Variants in USP38 observed in about 807,000 individuals in gnomAD.
USP38 encodes ubiquitin carboxyl-terminal hydrolase 38.
A neutral mutation model predicts 94.3 loss-of-function variants in USP38; 49 were observed. The ratio of observed to expected loss-of-function variants is 0.52; its 90% CI spans 0.41 to 0.66. The LOEUF (loss-of-function observed/expected upper bound fraction) is 0.66. Ranked by LOEUF, USP38 falls within the 30% of genes least tolerant of loss-of-function variation. USP38 has a pLI of 0.00. For synonymous variants in USP38, 468 were observed against 463.6 expected, an observed-to-expected ratio of 1.01 and a Z score of -0.12; for missense variants, 1,128 against 1,229.4, an observed-to-expected ratio of 0.92 and a Z score of 1.23.
chr4:143,220,189 A>G, intron 9 of USP38, 106 bp from the exon 10 acceptor site: 1 of 1,203,076 alleles, frequency 8.3e-7, no homozygotes, highest in Non-Finnish European at 1.1e-6. Flanking sequence ...TTGAGATTTG[A>G]AGAATGTTTA....
intron 7 of USP38, among the ~76,000 whole-genome samples, chr4:143,211,266 G>C (rs762269184): frequency 1.2e-4 from 18 of 152,140 alleles, no homozygotes; most frequent in Non-Finnish European, 2.4e-4. Flanking sequence ...ATTTTAGGCA[G>C]ATAGATTTTC....
At chr4:143,200,003 G>A (rs1414418732) in intron 4 of USP38, among the ~76,000 whole-genome samples, 1 of 152,062 alleles carries the variant, frequency 6.6e-6, no homozygotes, top group Non-Finnish European at 1.5e-5. Flanking sequence ...GTCAATTTTT[G>A]CTTTTGTAGC....
At chr4:143,198,423 A>G (rs1051343317) in intron 4 of USP38, among the ~76,000 whole-genome samples, 1 of 152,218 alleles carries the variant, frequency 6.6e-6, no homozygotes, top group African/African-American at 2.4e-5. Context: ...GTTACTGCAG[A>G]TGAGAAATGA....
At chr4:143,219,696 A>T (rs1732274195) in intron 9 of USP38, among the ~76,000 whole-genome samples, 1 of 152,122 alleles carries the variant, frequency 6.6e-6, no homozygotes, top group South Asian at 2.1e-4. Context: ...TTGCCAAATG[A>T]ATTTGCCATT....
chr4:143,203,350 A>G, intron 4 of USP38, 58 bp from the exon 5 acceptor site: 1 of 1,522,016 alleles, frequency 6.6e-7, no homozygotes, highest in South Asian at 1.2e-5. Flanking sequence ...TTTGTAGGCT[A>G]GAGAATGTGT....
At chr4:143,200,932 A>T (rs1160336536) in intron 4 of USP38, among the ~76,000 whole-genome samples, 1 of 152,162 alleles carries the variant, frequency 6.6e-6, no homozygotes, top group Non-Finnish European at 1.5e-5. Context: ...AATCAATATC[A>T]TTAAAATGGC....
chr4:143,206,019 T>G lies in USP38; in HGVS notation c.1210-14T>G, dbSNP rs1182761962. Reference sequence around the variant, plus strand: ...CTTTACTTTTAAACTGTTTTTCTTCTTTATGACCTATAGGATTTTCCTAAG... The same window carrying G: ...CTTTACTTTTAAACTGTTTTTCTTCGTTATGACCTATAGGATTTTCCTAAG... On this transcript the variant is annotated splice_polypyrimidine_tract_variant and intron_variant, in intron 5 of 9. Transcript: ENST00000307017. 3 of 1,510,804 alleles carry G rather than the reference T, an allele frequency of 2.0e-6. No individual in the cohort carries two copies. The South Asian group carries it at 4.2e-5, about 21-fold the overall frequency. The allele number at this position is 1,510,804 out of a possible 1,614,324, so 93.6% of individuals were successfully genotyped here.
rs192562107 is a variant in USP38, at chr4:143,223,546, C to T, written c.*3090C>T. 6.6e-6 allele frequency: 1 copy of T among 152,234 alleles called. No homozygotes were observed. 9.4% of individuals were successfully genotyped at this position (152,234 alleles called of 1,614,324 possible). ...AAAGTAGTTGTCTTCTTTTCACATA[C>T]ACCTCTTTAAAGCTATCATCTTATA... On this transcript the variant is annotated 3_prime_UTR_variant, in exon 10 of 10. Transcript: ENST00000307017.
intron 7 of USP38, among the ~76,000 whole-genome samples, chr4:143,210,089 A>G (rs755736180): frequency 1.1e-4 from 17 of 152,208 alleles, no homozygotes; most frequent in South Asian, 4.2e-4. Flanking sequence ...TCTTATGTAT[A>G]CCTATTCATT....
intron 7 of USP38, among the ~76,000 whole-genome samples, chr4:143,211,808 T>C (rs1732032047): frequency 6.6e-6 from 1 of 152,210 alleles, no homozygotes; most frequent in Non-Finnish European, 1.5e-5. Flanking sequence ...ACCAGTGTAC[T>C]CACAATCTGC....
chr4:143,209,634 T>G lies in USP38; in HGVS notation c.1474T>G (p.Phe492Val). The part of the protein sequence containing the change: ...NSLMKKLQHL[F>V]AFLAHTQREA... Reference sequence around the variant, plus strand: ...ATTAATGAAAAAATTACAGCATCTTTTTGCCTTTCTGGCCCATACACAGGT... The same window carrying G: ...ATTAATGAAAAAATTACAGCATCTTGTTGCCTTTCTGGCCCATACACAGGT... Residue 492 changes from phenylalanine (F) to valine (V), a missense_variant, in exon 7 of 10, where the codon TTT (phenylalanine) becomes GTT (valine). Physicochemically the swap from Phe to Val is conservative, Grantham distance 50 (BLOSUM62 -1). Coordinates refer to ENST00000307017, the MANE Select transcript of USP38 (RefSeq NM_032557.6). 2 of 1,609,262 alleles carry G rather than the reference T, an allele frequency of 1.2e-6. No individual in the cohort carries two copies. Among genetic ancestry groups the G allele is most frequent in the Non-Finnish European group, 1.7e-6 (2 of 1,176,496 alleles).
intron 2 of USP38, among the ~76,000 whole-genome samples, chr4:143,193,620 A>G (rs1285357799): frequency 6.6e-6 from 1 of 152,190 alleles, no homozygotes; most frequent in Non-Finnish European, 1.5e-5. Context: ...TAGAGAATGG[A>G]GGGAACATAC....
chr4:143,193,146 G>A (rs1049684996), intron 2 of USP38, among the ~76,000 whole-genome samples: 8 of 151,736 alleles, frequency 5.3e-5, no homozygotes, highest in Non-Finnish European at 4.4e-5. Context: ...TCTTTTTTAT[G>A]TCCATATTTA....
Position 143,206,201 on chromosome 4 carries a change from A to G in USP38, c.1378A>G (p.Ile460Val), listed in dbSNP as rs774511377. The G allele has an allele frequency of 1.1e-5, 18 of 1,599,356 alleles. No homozygotes were observed. The highest frequency in any genetic ancestry group is 1.5e-5 in the Non-Finnish European group (18 of 1,175,012). ...AAATACATGTTATATGAACAGTGTT[A>G]TACAAGCCTTGTTTATGGCCACAGA... ...LGNTCYMNSV[I>V]QALFMATDFR... Residue 460 changes from isoleucine to valine, a missense_variant, in exon 6 of 10, where the codon ATA (isoleucine) becomes GTA (valine). Coordinates refer to ENST00000307017, the MANE Select transcript of USP38 (RefSeq NM_032557.6).
In USP38 at chr4:143,214,821, C is replaced by T; in HGVS notation, c.2845C>T (p.Gln949Ter). The change falls in exon 9 of 10, where the codon CAG (glutamine) becomes TAG (stop). Residue 949 changes from glutamine to a stop codon, truncating the protein, a stop_gained. Transcript: ENST00000307017. LOFTEE classifies it high-confidence loss of function. Reference sequence around the variant, plus strand: ...AGCTTATGTGCTTTTGTATAAAAAACAGCATAGTACTAATGGTTTAAGTGG... The same window carrying T: ...AGCTTATGTGCTTTTGTATAAAAAATAGCATAGTACTAATGGTTTAAGTGG... The part of the protein sequence containing the change: ...DTAYVLLYKK[Q>*]HSTNGLSGNN... 1 of 1,613,704 alleles carries T rather than the reference C, an allele frequency of 6.2e-7. No homozygotes were observed. The highest frequency in any genetic ancestry group is 1.7e-4 in the Middle Eastern group (1 of 6,056).
Position 143,223,488 on chromosome 4 carries a change from T to C in USP38, c.*3032T>C, listed in dbSNP as rs1397060910. The C allele has an allele frequency of 6.6e-6, 1 of 152,134 alleles. No homozygotes were observed. Among genetic ancestry groups the C allele is most frequent in the Non-Finnish European group, 1.5e-5 (1 of 67,994 alleles). The allele number at this position is 152,134 out of a possible 1,614,324, so 9.4% of individuals were successfully genotyped here. On this transcript the variant is annotated 3_prime_UTR_variant, in exon 10 of 10. Transcript: ENST00000307017. ...AGTTCAAATCTATAATTTTTTTCTC[T>C]TCAGTTCTGTTCTTTGTATGATAAT...
Position 143,214,260 on chromosome 4 carries a change from A to C in USP38, c.2284A>C (p.Ile762Leu). Residue 762 changes from isoleucine (I) to leucine (L), a missense_variant, in exon 9 of 10, where the codon ATT becomes CTT. Coordinates refer to ENST00000307017, the MANE Select transcript of USP38 (RefSeq NM_032557.6). The part of the protein sequence containing the change: ...MQITEEPEYL[I>L]LTLLRFSYDQ... ...AATCACGGAGGAACCTGAATACCTTATTCTTACTCTCCTGAGATTTTCATA... is the reference window on the plus strand; with the variant it reads ...AATCACGGAGGAACCTGAATACCTTCTTCTTACTCTCCTGAGATTTTCATA... 6.2e-7 allele frequency: 1 copy of C among 1,613,490 alleles called. No individual in the cohort carries two copies. Among genetic ancestry groups the C allele is most frequent in the Non-Finnish European group, 8.5e-7 (1 of 1,179,782 alleles).
rs1732134120 is a variant in USP38 at position 143,214,669 on chromosome 4, C to T, written c.2693C>T (p.Ala898Val). ...TTACTAGGGAGAGATAGTCCCAGTG[C>T]AGTTTTTGAACAGGATTTGGAAAAT... ...SHLLGRDSPS[A>V]VFEQDLENKE... Residue 898 changes from alanine (A) to valine (V), a missense_variant, in exon 9 of 10, where the codon GCA becomes GTA. Transcript: ENST00000307017. The T allele has an allele frequency of 6.2e-7, 1 of 1,613,530 alleles. No homozygotes were observed. Among genetic ancestry groups the T allele is most frequent in the Non-Finnish European group, 8.5e-7 (1 of 1,179,786 alleles).
chr4:143,206,949 C>T (rs929766510), intron 6 of USP38, among the ~76,000 whole-genome samples: 1 of 152,150 alleles, frequency 6.6e-6, no homozygotes, highest in African/African-American at 2.4e-5. Flanking sequence ...CACCCCAGGG[C>T]AATAATTACT....
Sources: allele counts gnomAD v4.1 joint callset (sites outside exome capture counted in the v4.1 genomes callset), GRCh38; gene constraint gnomAD v4.1.1; transcripts MANE v1.5; gene names NCBI Gene and HGNC (gene_info 2026-07-23, HGNC 2026-07-21).